Variants in SEPTIN7 observed in about 807,000 individuals in gnomAD.
SEPTIN7 encodes septin 7.
SEPTIN7 carries 10 observed loss-of-function variants against 63.3 expected under a neutral mutation model. That is an observed-to-expected ratio of 0.16 (90% CI 0.10 to 0.27). The LOEUF is 0.27. Ranked by LOEUF, SEPTIN7 falls within the 10% of genes least tolerant of loss-of-function variation. The pLI, the probability that SEPTIN7 is intolerant of heterozygous loss-of-function variation, is 1.00. For missense variants in SEPTIN7, 310 were observed against 521.0 expected, an observed-to-expected ratio of 0.59 and a Z score of 3.94; for synonymous variants, 131 against 165.3, an observed-to-expected ratio of 0.79 and a Z score of 1.59.
At chr7:35,880,161 C>A (rs1786744387) in intron 7 of SEPTIN7, among the ~76,000 whole-genome samples, 1 of 146,502 alleles carries the variant, frequency 6.8e-6, no homozygotes, top group South Asian at 2.1e-4. Flanking sequence ...ACAATTTCTC[C>A]CCATACTCTT....
chr7:35,801,749 G>C (rs1305458996), intron 1 of SEPTIN7, among the ~76,000 whole-genome samples: 1 of 152,098 alleles, frequency 6.6e-6, no homozygotes, highest in Non-Finnish European at 1.5e-5. Context: ...GAGTGTGAAC[G>C]CTCGGGCGAG....
downstream of SEPTIN7, among the ~76,000 whole-genome samples, chr7:35,907,427 T>C (rs1788650039): frequency 6.6e-6 from 1 of 152,184 alleles, no homozygotes; most frequent in Non-Finnish European, 1.5e-5. Context: ...AACAATTGGG[T>C]AAGTTATCTC....
At chr7:35,819,838 TCTTA>T (rs1350462323) in intron 1 of SEPTIN7, among the ~76,000 whole-genome samples, 2 of 152,328 alleles carry the variant, frequency 1.3e-5, no homozygotes, top group East Asian at 3.9e-4. Context: ...CATAGTTGGA[TCTTA>T]CTTTTAAAAA....
intron 3 of SEPTIN7, among the ~76,000 whole-genome samples, chr7:35,845,899 G>A (rs555833483): frequency 6.6e-6 from 1 of 151,650 alleles, no homozygotes; most frequent in Admixed American, 6.6e-5. Flanking sequence ...GTTTGCCTTT[G>A]TTGTTGAATC....
At chr7:35,887,551 T>C (rs1449031427) in intron 10 of SEPTIN7, among the ~76,000 whole-genome samples, 1 of 152,216 alleles carries the variant, frequency 6.6e-6, no homozygotes, top group Non-Finnish European at 1.5e-5. Context: ...TTCACCGTGT[T>C]GGCCAGGCTG....
chr7:35,882,456 C>G (rs1021773599), intron 7 of SEPTIN7, 28 bp from the exon 8 acceptor site: 2 of 1,421,774 alleles, frequency 1.4e-6, no homozygotes, highest in African/African-American at 1.5e-5. Flanking sequence ...GTATGGTGCT[C>G]TTTTGCTGAC....
rs1206485841 is a variant in SEPTIN7 at position 35,905,159 on chromosome 7, A to G, written c.*866A>G. 1 of 152,632 alleles carries G rather than the reference A, an allele frequency of 6.6e-6. No individual in the cohort carries two copies. Among genetic ancestry groups the G allele is most frequent in the Non-Finnish European group, 1.5e-5 (1 of 68,042 alleles). The allele number at this position is 152,632 out of a possible 1,614,324, so 9.5% of individuals were successfully genotyped here. On this transcript the variant is annotated 3_prime_UTR_variant, in exon 14 of 14. Transcript: ENST00000350320. ...GACCAACCTGTTTCTACCTATATGC[A>G]GTCTCTTTATTTTACTAGAAATGGG... is the stretch of plus-strand genomic sequence containing the variant.
chr7:35,880,223 C>CTTTTTT, intron 7 of SEPTIN7, among the ~76,000 whole-genome samples: 18 of 72,772 alleles, frequency 2.5e-4, no homozygotes, highest in East Asian at 8.1e-4. Flanking sequence ...TTTTTCTTTT[C>CTTTTTT]TTTTTTTTTT....
At chr7:35,876,460 A>G (rs1008109668) in intron 6 of SEPTIN7, among the ~76,000 whole-genome samples, 3 of 152,218 alleles carry the variant, frequency 2.0e-5, no homozygotes, top group African/African-American at 2.4e-5. Context: ...GAAATCTGAG[A>G]TTGAATATTT....
intron 7 of SEPTIN7, 122 bp downstream of exon 7, chr7:35,880,062 C>G (rs1352604780): frequency 3.1e-6 from 2 of 639,754 alleles, no homozygotes; most frequent in African/African-American, 1.8e-5. Flanking sequence ...GTCATTTATA[C>G]TGTATTAGAA....
chr7:35,872,788 A>G (rs1786232221), intron 5 of SEPTIN7, 22 bp downstream of exon 5: 1 of 1,509,842 alleles, frequency 6.6e-7, no homozygotes, highest in Non-Finnish European at 9.2e-7. Context: ...TTGTCCTCAC[A>G]ACTTTGCAGT....
the SEPTIN7 span, among the ~76,000 whole-genome samples, chr7:35,912,882 G>A: frequency 6.6e-6 from 1 of 152,208 alleles, no homozygotes; most frequent in African/African-American, 2.4e-5. Flanking sequence ...CAAACACTGA[G>A]AACCCAGCTG....
In SEPTIN7 at chr7:35,883,831, T is replaced by A. The variant is rs76995522; in HGVS notation, c.724-60T>A. ...ACCTGTTGAGTAATGTAACTTTTTTTATTTTTGAATTTGTGAGGACTACAG... is the reference window on the plus strand; with the variant it reads ...ACCTGTTGAGTAATGTAACTTTTTTAATTTTTGAATTTGTGAGGACTACAG... On this transcript the variant is annotated intron_variant, in intron 8 of 13. Transcript: ENST00000350320. The A allele has an allele frequency of 3.6e-3, 3,743 of 1,050,818 alleles. 84 individuals carry two copies. In the African/African-American group the frequency reaches 0.05, roughly 14 times the overall value. The allele number at this position is 1,050,818 out of a possible 1,614,324, so 65.1% of individuals were successfully genotyped here. A position where few individuals can be genotyped will look rare whatever the true frequency, so the allele number is the denominator to read the frequency against.
chr7:35,852,729 G>A (rs1445227058), intron 3 of SEPTIN7, among the ~76,000 whole-genome samples: 1 of 152,014 alleles, frequency 6.6e-6, no homozygotes, highest in Non-Finnish European at 1.5e-5. Flanking sequence ...TAACCTCTGT[G>A]TCACGATAAT....
At chr7:35,805,564 A>G (rs1455102532) in intron 1 of SEPTIN7, among the ~76,000 whole-genome samples, 2 of 152,252 alleles carry the variant, frequency 1.3e-5, no homozygotes, top group Non-Finnish European at 2.9e-5. Flanking sequence ...ACTATGCTGC[A>G]GCAACAGACT....
chr7:35,885,980 T>A (rs1410359690), intron 10 of SEPTIN7, 101 bp downstream of exon 10: 23 of 752,220 alleles, frequency 3.1e-5, no homozygotes, highest in Non-Finnish European at 4.6e-5. Flanking sequence ...CTAATTTAAA[T>A]TTATATCTTC....
chr7:35,805,279 T>C (rs1788259445), intron 1 of SEPTIN7, among the ~76,000 whole-genome samples: 1 of 152,208 alleles, frequency 6.6e-6, no homozygotes, highest in African/African-American at 2.4e-5. Flanking sequence ...TTTAGCTCCA[T>C]AGTAATCTTA....
intron 3 of SEPTIN7, among the ~76,000 whole-genome samples, chr7:35,852,014 GCTGT>G (rs1784984925): frequency 6.6e-6 from 1 of 152,028 alleles, no homozygotes; most frequent in South Asian, 2.1e-4. Flanking sequence ...CCTTCTTAAG[GCTGT>G]CTACTTCACC....
the SEPTIN7 span, among the ~76,000 whole-genome samples, chr7:35,915,215 T>C: frequency 6.8e-6 from 1 of 146,562 alleles, no homozygotes; most frequent in Non-Finnish European, 1.5e-5. Context: ...TGGCTAGTTA[T>C]CTGCAGCAGG....
Sources: allele counts gnomAD v4.1 joint callset (sites outside exome capture counted in the v4.1 genomes callset), GRCh38; gene constraint gnomAD v4.1.1; transcripts MANE v1.5; gene names NCBI Gene and HGNC (gene_info 2026-07-23, HGNC 2026-07-21).